The following PRSS50 variants were observed in gnomAD, a reference collection of about 807,000 sequenced individuals.
PRSS50 encodes the protein serine protease 50, also known as probable threonine protease PRSS50.
A neutral mutation model predicts 34.2 loss-of-function variants in PRSS50; 23 were observed. That is an observed-to-expected ratio of 0.67 (90% CI 0.48 to 0.95). The LOEUF is 0.95. PRSS50 is among the 40% of genes least tolerant of loss of function. PRSS50 has a pLI of 0.00. For missense variants in PRSS50, 484 were observed against 513.4 expected (o/e 0.94, Z 0.55); for synonymous variants, 224 against 211.2 (o/e 1.06, Z -0.53).
rs1181481143 is a variant in PRSS50, at chr3:46,715,087, T to C, written c.470+448A>G. On this transcript the variant is annotated intron_variant, in intron 3 of 5. Transcript: ENST00000315170. The surrounding 1 kb of genome is among the most constrained non-coding windows in gnomAD (Gnocchi z 5.2). ...GCACCCTTGTGAGCATCTATCTTCC[T>C]TTCTGTCTCCCCCAACAAGCTGGAA... Among the ~76,000 whole-genome samples the C allele has an allele frequency of 6.6e-6, 1 of 152,220 alleles. No homozygotes were observed. The highest frequency in any genetic ancestry group is 2.4e-5 in the African/African-American group (1 of 41,456).
At chr3:46,712,834 TCTCCCTCCCCA>T in intron 5 of PRSS50, 56 bp downstream of exon 5, 1 of 1,367,404 alleles carries the variant, frequency 7.3e-7, no homozygotes, top group Non-Finnish European at 9.9e-7. Context: ...ACCGTTCCGC[TCTCCCTCCCCA>T]GATGCCTCTC....
chr3:46,712,688 AC>A (rs1253698446), intron 5 of PRSS50, among the ~76,000 whole-genome samples: 1 of 105,160 alleles, frequency 9.5e-6, no homozygotes, highest in Admixed American at 1.0e-4. Flanking sequence ...CTCCCCACGG[AC>A]CCCCCACTCC....
intron 5 of PRSS50, 77 bp downstream of exon 5, chr3:46,712,824 A>C (rs1575471875): frequency 3.9e-6 from 5 of 1,277,554 alleles, no homozygotes; most frequent in Admixed American, 2.2e-5. Flanking sequence ...CCCAACCTCC[A>C]CCGTTCCGCT....
Position 46,717,391 on chromosome 3 carries a change from T to C in PRSS50, c.307+46A>G, listed in dbSNP as rs1700696990. 1 of 1,601,710 alleles carries C rather than the reference T, an allele frequency of 6.2e-7. No individual in the cohort carries two copies. The highest frequency in any genetic ancestry group is 8.5e-7 in the Non-Finnish European group (1 of 1,169,920). ...CCCCAGCCAAGGTCCTTAAGACTCC[T>C]CTGTCACCCTCCTTGCCCCACGGAG... On this transcript the variant is annotated intron_variant, in intron 2 of 5. Transcript: ENST00000315170. The surrounding 1 kb of genome is among the most constrained non-coding windows in gnomAD (Gnocchi z 4.5).
intron 3 of PRSS50, 61 bp from the exon 4 acceptor site, chr3:46,714,562 C>T (rs1321093686): frequency 6.8e-7 from 1 of 1,475,412 alleles, no homozygotes; most frequent in Non-Finnish European, 9.0e-7. Flanking sequence ...AGCCTCCAGC[C>T]TGGGCCTTCC....
Position 46,714,469 on chromosome 3 carries a change from C to G in PRSS50, c.503G>C (p.Ser168Thr). 6.2e-7 allele frequency: 1 copy of G among 1,604,990 alleles called. No homozygotes were observed. Among genetic ancestry groups the G allele is most frequent in the Non-Finnish European group, 8.5e-7 (1 of 1,176,620 alleles). Residue 168 changes from serine to threonine, a missense_variant, in exon 4 of 6, where the codon AGT (serine) becomes ACT (threonine). By Grantham distance (58) the Ser-to-Thr change is moderately conservative. Transcript: ENST00000315170. ...RDVIYSVRVG[S>T]PWIDQMTQTA... ...CTGCGTCATCTGGTCAATCCACGGA[C>G]TCCCCACCCTCACTGAGTAGATAAC...
intron 5 of PRSS50, 42 bp from the exon 6 acceptor site, chr3:46,712,524 C>A: frequency 6.3e-7 from 1 of 1,595,106 alleles, no homozygotes; most frequent in South Asian, 1.1e-5. Context: ...GGAGGCCAGG[C>A]AAGGCCAGAG....
rs1195077891 is a variant in PRSS50 at position 46,717,471 on chromosome 3, G to C, written c.273C>G (p.Phe91Leu). ...GGTCGACTTTGCCTTCAGAAACTGG[G>C]AATTGGGTCTCCATGGTGGTCGAGG... ...TLPSTTMETQ[F>L]PVSEGKVDPY... Residue 91 changes from phenylalanine to leucine, a missense_variant, in exon 2 of 6, where the codon TTC (phenylalanine) becomes TTG (leucine). Transcript: ENST00000315170. The surrounding 1 kb of genome is among the most constrained non-coding windows in gnomAD (Gnocchi z 4.5). 1.2e-6 allele frequency: 2 copies of C among 1,613,834 alleles called. No individual in the cohort carries two copies. Among genetic ancestry groups the C allele is most frequent in the Non-Finnish European group, 1.7e-6 (2 of 1,180,024 alleles).
chr3:46,712,896 C>T lies in PRSS50; in HGVS notation c.921+5G>A. On this transcript the variant is annotated splice_donor_5th_base_variant and intron_variant, in intron 5 of 5. Transcript: ENST00000315170. ...AAGGGGAGTGAGCGAGGAGAGGCCGCTCACATAGCAGAACTTCTCCCTGTG... is the reference window on the plus strand; with the variant it reads ...AAGGGGAGTGAGCGAGGAGAGGCCGTTCACATAGCAGAACTTCTCCCTGTG... The T allele has an allele frequency of 6.2e-7, 1 of 1,613,808 alleles. No homozygotes were observed. The highest frequency in any genetic ancestry group is 1.3e-5 in the African/African-American group (1 of 75,030).
chr3:46,717,700 G>A lies in PRSS50; in HGVS notation c.106+19C>T, dbSNP rs769735929. 3.5e-5 allele frequency: 56 copies of A among 1,596,390 alleles called. 1 individual carries two copies. In the Admixed American group the frequency reaches 5.9e-4, roughly 17 times the overall value. On this transcript the variant is annotated intron_variant, in intron 1 of 5. Transcript: ENST00000315170. The surrounding 1 kb of genome is among the most constrained non-coding windows in gnomAD (Gnocchi z 4.5). ...AGGGCCGCGTCAGGCGGGTGGGGTA[G>A]GGATCGGGAGGGACTCACCTGCAGA...
chr3:46,715,769 G>A lies in PRSS50; in HGVS notation c.308-72C>T, dbSNP rs575848467. ...CCCTCCCCTCCCCCAGCCTGACCTC[G>A]TGCCTCTCCAGCCACTGGCCTGCAC... On this transcript the variant is annotated intron_variant, in intron 2 of 5. Coordinates refer to ENST00000315170, the MANE Select transcript of PRSS50 (RefSeq NM_013270.5). This position sits in a 1 kb window ranked among gnomAD's most constrained non-coding sequence, Gnocchi z 5.2. 2.3e-5 allele frequency: 34 copies of A among 1,480,002 alleles called. No individual in the cohort carries two copies. Among genetic ancestry groups the A allele is most frequent in the East Asian group, 2.0e-4 (8 of 40,146 alleles). The allele number at this position is 1,480,002 out of a possible 1,614,324, so 91.7% of individuals were successfully genotyped here.
Position 46,712,399 on chromosome 3 carries a change from C to T in PRSS50, c.1005G>A (p.Gln335=), listed in dbSNP as rs749609565. The T allele has an allele frequency of 6.2e-7, 1 of 1,614,076 alleles. No homozygotes were observed. The highest frequency in any genetic ancestry group is 8.5e-7 in the Non-Finnish European group (1 of 1,179,986). Residue 335 remains glutamine, a synonymous_variant, in exon 6 of 6, where the codon CAG becomes CAA. Coordinates refer to ENST00000315170, the MANE Select transcript of PRSS50 (RefSeq NM_013270.5). ...VGLVSWGAGC[Q]KSEAPPIYLQ... The stretch of plus-strand genomic sequence containing the variant: ...GGTAGATGGGTGGGGCCTCGCTCTT[C>T]TGGCAGCCTGCACCCCAGCTCACCA...
At chr3:46,714,112 TC>T (rs1333274120) in intron 4 of PRSS50, 105 bp downstream of exon 4, 23 of 1,420,916 alleles carry the variant, frequency 1.6e-5, no homozygotes, top group Non-Finnish European at 1.7e-5. Flanking sequence ...AGCGGCAGGC[TC>T]CCTGGGGAAG....
chr3:46,717,712 G>C lies in PRSS50; in HGVS notation c.106+7C>G. The C allele has an allele frequency of 6.3e-7, 1 of 1,598,296 alleles. No individual in the cohort carries two copies. The highest frequency in any genetic ancestry group is 8.5e-7 in the Non-Finnish European group (1 of 1,172,976). ...GGCGGGTGGGGTAGGGATCGGGAGG[G>C]ACTCACCTGCAGACCTCAGCAACAG... On this transcript the variant is annotated splice_region_variant and intron_variant, in intron 1 of 5. Coordinates refer to ENST00000315170, the MANE Select transcript of PRSS50 (RefSeq NM_013270.5). This position sits in a 1 kb window ranked among gnomAD's most constrained non-coding sequence, Gnocchi z 4.5.
rs1559498940 is a variant in PRSS50, at chr3:46,715,725, GGGAT to G, written c.308-32_308-29del. On this transcript the variant is annotated intron_variant, in intron 2 of 5. Transcript: ENST00000315170. The surrounding 1 kb of genome is among the most constrained non-coding windows in gnomAD (Gnocchi z 5.2). ...GAGGAGGAAGGTGAGAGCTTGATGA[GGGAT>G]GGATCTTTCCCTGTCCCTCCCCTCC... 1 of 1,553,194 alleles carries G rather than the reference GGGAT, an allele frequency of 6.4e-7. No homozygotes were observed. The highest frequency in any genetic ancestry group is 1.9e-5 in the Admixed American group (1 of 53,410).
At position 46,717,389 on chromosome 3, in the gene PRSS50, C is replaced by G. The variant is rs199645684; in HGVS notation, c.307+48G>C. 16 of 1,600,222 alleles carry G rather than the reference C, an allele frequency of 1.0e-5. No homozygotes were observed. On this transcript the variant is annotated intron_variant, in intron 2 of 5. Coordinates refer to ENST00000315170, the MANE Select transcript of PRSS50 (RefSeq NM_013270.5). This position sits in a 1 kb window ranked among gnomAD's most constrained non-coding sequence, Gnocchi z 4.5. ...AGCCCCAGCCAAGGTCCTTAAGACT[C>G]CTCTGTCACCCTCCTTGCCCCACGG...
Position 46,712,275 on chromosome 3 carries a change from G to A in PRSS50, c.1129C>T (p.Leu377=), listed in dbSNP as rs61740480. The A allele has an allele frequency of 6.8e-6, 11 of 1,611,594 alleles. No individual in the cohort carries two copies. The highest frequency in any genetic ancestry group is 9.3e-6 in the Non-Finnish European group (11 of 1,179,040). Residue 377 remains leucine (L), a synonymous_variant, in exon 6 of 6, where the codon CTG becomes TTG. Coordinates refer to ENST00000315170, the MANE Select transcript of PRSS50 (RefSeq NM_013270.5). ...AGGGCAGCAAGGAGGCTGAGGGGCA[G>A]TGGGAGTGCCAGGAGCAGGGTCCTG... ...PSRTLLLALP[L]PLSLLAAL
Position 46,715,762 on chromosome 3 carries a change from T to C in PRSS50, c.308-65A>G, listed in dbSNP as rs1214258902. On this transcript the variant is annotated intron_variant, in intron 2 of 5. Coordinates refer to ENST00000315170, the MANE Select transcript of PRSS50 (RefSeq NM_013270.5). This position sits in a 1 kb window ranked among gnomAD's most constrained non-coding sequence, Gnocchi z 5.2. ...TCCCTGTCCCTCCCCTCCCCCAGCC[T>C]GACCTCGTGCCTCTCCAGCCACTGG... The C allele has an allele frequency of 2.0e-6, 3 of 1,492,760 alleles. No homozygotes were observed. Among genetic ancestry groups the C allele is most frequent in the South Asian group, 1.3e-5 (1 of 76,302 alleles). The allele number at this position is 1,492,760 out of a possible 1,614,324, so 92.5% of individuals were successfully genotyped here.
Position 46,712,921 on chromosome 3 carries a change from G to C in PRSS50, c.901C>G (p.His301Asp). Reference sequence around the variant, plus strand: ...CTCACATAGCAGAACTTCTCCCTGTGGGTGTCCTCCGCACACATCATCTGG... The same window carrying C: ...CTCACATAGCAGAACTTCTCCCTGTCGGTGTCCTCCGCACACATCATCTGG... ...KSQMMCAEDT[H>D]REKFCYELTG... Residue 301 changes from histidine to aspartate, a missense_variant, in exon 5 of 6, where the codon CAC (histidine) becomes GAC (aspartate). Coordinates refer to ENST00000315170, the MANE Select transcript of PRSS50 (RefSeq NM_013270.5). 1.2e-6 allele frequency: 2 copies of C among 1,614,020 alleles called. 1 individual carries two copies. Among genetic ancestry groups the C allele is most frequent in the South Asian group, 2.2e-5 (2 of 91,070 alleles).
Sources: allele counts gnomAD v4.1 joint callset (sites outside exome capture counted in the v4.1 genomes callset), GRCh38; gene constraint gnomAD v4.1.1; non-coding constraint Gnocchi (gnomAD v3.1); transcripts MANE v1.5; gene names NCBI Gene and HGNC (gene_info 2026-07-23, HGNC 2026-07-21).